DNER: variants seen among roughly 807,000 people sequenced by gnomAD.
DNER encodes the protein delta and Notch-like epidermal growth factor-related receptor.
Under a neutral mutation model 78.2 loss-of-function variants are expected in DNER, and 33 were observed. That is an observed-to-expected ratio of 0.42 (90% CI 0.32 to 0.56). The LOEUF is 0.56. Ranked by LOEUF, DNER falls within the 20% of genes least tolerant of loss-of-function variation. DNER has a pLI of 0.11. For synonymous variants in DNER, 417 were observed against 384.8 expected (o/e 1.08, Z -0.98); for missense variants, 918 against 975.3 (o/e 0.94, Z 0.78).
intron 1 of DNER, chr2:229,606,204 A>G (rs1444628909): frequency 6.6e-6 from 1 of 152,206 alleles, no homozygotes; most frequent in East Asian, 1.9e-4. Flanking sequence ...TAAGACCTAC[A>G]GTTCTGGGAA....
chr2:229,699,224 AAAAAG>A (rs1316196074), intron 1 of DNER, among the ~76,000 whole-genome samples: 3 of 147,540 alleles, frequency 2.0e-5, no homozygotes, highest in Non-Finnish European at 4.5e-5. Flanking sequence ...AGTTCTTAAA[AAAAAG>A]AATCTTGATA....
intron 6 of DNER, among the ~76,000 whole-genome samples, chr2:229,499,683 C>T (rs557008743): frequency 6.6e-6 from 1 of 151,370 alleles, no homozygotes; most frequent in East Asian, 1.9e-4. Flanking sequence ...CATATAACCC[C>T]AAAAGCCCAG....
chr2:229,648,732 ATAT>A (rs1205296313), intron 1 of DNER, among the ~76,000 whole-genome samples: 2 of 152,232 alleles, frequency 1.3e-5, no homozygotes, highest in Non-Finnish European at 2.9e-5. Context: ...GTTATTACAG[ATAT>A]TATACGGTAA....
At chr2:229,546,395 G>A (rs140091994) in intron 5 of DNER, among the ~76,000 whole-genome samples, 194 of 151,938 alleles carry the variant, frequency 1.3e-3, no homozygotes, top group East Asian at 6.0e-3. Flanking sequence ...GGGCTGAAAC[G>A]GGGCAACAAG....
chr2:229,580,263 T>C (rs1363392009), intron 4 of DNER: 2 of 152,174 alleles, frequency 1.3e-5, no homozygotes, highest in Admixed American at 6.5e-5. Context: ...GCTATAATCC[T>C]GAAGAAATGA....
At chr2:229,497,537 C>T (rs1044222443) in intron 6 of DNER, among the ~76,000 whole-genome samples, 1 of 150,012 alleles carries the variant, frequency 6.7e-6, no homozygotes, top group African/African-American at 2.4e-5. Flanking sequence ...ATAAAGTCAA[C>T]AAAACTTTAG....
At chr2:229,365,986 A>G (rs1460497912) in intron 12 of DNER, among the ~76,000 whole-genome samples, 1 of 152,210 alleles carries the variant, frequency 6.6e-6, no homozygotes, top group East Asian at 1.9e-4. Flanking sequence ...ATCTTAGTTG[A>G]TTGTTTAATG....
chr2:229,561,080 G>T (rs1696950143), intron 4 of DNER, among the ~76,000 whole-genome samples: 1 of 152,152 alleles, frequency 6.6e-6, no homozygotes, highest in African/African-American at 2.4e-5. Context: ...TGTAAGGCAC[G>T]TTTAGATGCT....
At chr2:229,392,836 A>C (rs561560882) in intron 10 of DNER, among the ~76,000 whole-genome samples, 1 of 152,262 alleles carries the variant, frequency 6.6e-6, no homozygotes, top group East Asian at 1.9e-4. Flanking sequence ...AAAGTCCATT[A>C]CTTTTTTTAA....
intron 1 of DNER, among the ~76,000 whole-genome samples, chr2:229,668,438 A>G (rs369150362): frequency 8.2e-6 from 1 of 121,600 alleles, no homozygotes; most frequent in East Asian, 2.4e-4. Context: ...ATATATATAT[A>G]TATACACTTA....
chr2:229,553,378 G>A (rs568947206), intron 4 of DNER, among the ~76,000 whole-genome samples: 1 of 152,246 alleles, frequency 6.6e-6, no homozygotes, highest in Non-Finnish European at 1.5e-5. Context: ...CAGAATTCCT[G>A]ACTCTTTTTC....
intron 7 of DNER, among the ~76,000 whole-genome samples, chr2:229,468,260 T>C (rs892909027): frequency 5.9e-5 from 9 of 152,244 alleles, no homozygotes; most frequent in African/African-American, 2.2e-4. Context: ...ACCCCTTTCT[T>C]GCCTAGGGAA....
At chr2:229,708,292 G>T (rs1484405559) in intron 1 of DNER, among the ~76,000 whole-genome samples, 1 of 152,140 alleles carries the variant, frequency 6.6e-6, no homozygotes, top group Non-Finnish European at 1.5e-5. Context: ...AATCACCTGG[G>T]GAGCACTTAA....
At chr2:229,552,208 T>C (rs1696758272) in intron 4 of DNER, among the ~76,000 whole-genome samples, 1 of 152,202 alleles carries the variant, frequency 6.6e-6, no homozygotes, top group Non-Finnish European at 1.5e-5. Context: ...GGGACCACTC[T>C]GGAAGCCCAG....
At chr2:229,514,078 T>C (rs1284875829) in intron 5 of DNER, among the ~76,000 whole-genome samples, 5 of 152,130 alleles carry the variant, frequency 3.3e-5, no homozygotes, top group Non-Finnish European at 7.4e-5. Context: ...TCAATCAAGT[T>C]TCATAATTCC....
intron 6 of DNER, among the ~76,000 whole-genome samples, chr2:229,506,064 T>C (rs1695736851): frequency 6.6e-6 from 1 of 152,188 alleles, no homozygotes; most frequent in African/African-American, 2.4e-5. Context: ...TTCTGATGAA[T>C]TTACCAGCAA....
intron 4 of DNER, among the ~76,000 whole-genome samples, chr2:229,578,236 C>T (rs1457654302): frequency 6.6e-6 from 1 of 152,140 alleles, no homozygotes; most frequent in African/African-American, 2.4e-5. Flanking sequence ...GCCCTGTCTC[C>T]TCCCATCTCG....
At chr2:229,640,512 A>G (rs548156810) in intron 1 of DNER, among the ~76,000 whole-genome samples, 7 of 152,368 alleles carry the variant, frequency 4.6e-5, no homozygotes, top group Admixed American at 3.9e-4. Context: ...ATGTGAGACT[A>G]TTCAAAATAT....
intron 11 of DNER, among the ~76,000 whole-genome samples, chr2:229,382,417 T>C (rs1175106856): frequency 6.6e-6 from 1 of 152,118 alleles, no homozygotes; most frequent in Non-Finnish European, 1.5e-5. Flanking sequence ...GAGAATGAGT[T>C]TGACGAATTG....
Sources: allele counts gnomAD v4.1 joint callset (sites outside exome capture counted in the v4.1 genomes callset), GRCh38; gene constraint gnomAD v4.1.1; transcripts MANE v1.5; gene names NCBI Gene and HGNC (gene_info 2026-07-23, HGNC 2026-07-21).